SDR9C7: variants seen among roughly 807,000 people sequenced by gnomAD.
The protein encoded by SDR9C7 is short chain dehydrogenase/reductase family 9C member 7, also known as short-chain dehydrogenase/reductase family 9C member 7.
A neutral mutation model predicts 23.6 loss-of-function variants in SDR9C7; 11 were observed. That is an observed-to-expected ratio of 0.47 (90% CI 0.29 to 0.77). SDR9C7 has a LOEUF of 0.77. Ranked by LOEUF, SDR9C7 falls within the 30% of genes least tolerant of loss-of-function variation. SDR9C7 has a pLI of 0.09. For synonymous variants in SDR9C7, 167 were observed against 157.3 expected, an observed-to-expected ratio of 1.06 and a Z score of -0.46; for missense variants, 387 against 407.1, an observed-to-expected ratio of 0.95 and a Z score of 0.42.
rs567534053 is a variant in SDR9C7 at position 56,924,971 on chromosome 12, C to T, written c.725-921G>A. 7.2e-5 allele frequency among the ~76,000 whole-genome samples: 11 copies of T among 152,178 alleles called. No homozygotes were observed. In the East Asian group the frequency reaches 1.9e-3, roughly 27 times the overall value. ...CAAAGATGATTAACAGCAGGGTAGACACTGGGGGAGTACAGAAGAGCAAAC... is the reference window on the plus strand; with the variant it reads ...CAAAGATGATTAACAGCAGGGTAGATACTGGGGGAGTACAGAAGAGCAAAC... On this transcript the variant is annotated intron_variant, in intron 3 of 3. Transcript: ENST00000293502.
chr12:56,923,952 TGCGAG>T lies in SDR9C7; in HGVS notation c.818_822del (p.Pro273HisfsTer18). ...GCATCCAGGCCAGGGTTGTAGCGGA[TGCGAG>T]GGCTCCGGGAAACAATAGCATGCTC... On this transcript the variant is annotated frameshift_variant, in exon 4 of 4. Transcript: ENST00000293502. LOFTEE classifies it high-confidence loss of function. 1 of 1,614,170 alleles carries T rather than the reference TGCGAG, an allele frequency of 6.2e-7. No individual in the cohort carries two copies. The highest frequency in any genetic ancestry group is 8.5e-7 in the Non-Finnish European group (1 of 1,180,000).
chr12:56,930,646 G>A (rs1260235908), intron 1 of SDR9C7, among the ~76,000 whole-genome samples, 162 bp from the exon 2 acceptor site: 1 of 152,190 alleles, frequency 6.6e-6, no homozygotes, highest in African/African-American at 2.4e-5. Context: ...TTACTAACTC[G>A]TTTTCCCTGA....
At chr12:56,927,673 G>A (rs779824309) in intron 3 of SDR9C7, among the ~76,000 whole-genome samples, 3 of 152,192 alleles carry the variant, frequency 2.0e-5, no homozygotes, top group Admixed American at 1.3e-4. Context: ...TTTGGGAGAG[G>A]TACTGGAAAT....
intron 3 of SDR9C7, among the ~76,000 whole-genome samples, chr12:56,925,182 TGAG>T (rs989567317): frequency 1.3e-5 from 2 of 151,984 alleles, no homozygotes; most frequent in Non-Finnish European, 2.9e-5. Context: ...CTCACAAATG[TGAG>T]GAGTTGTTCT....
rs973922171 is a variant in SDR9C7, at chr12:56,934,324, G to A, written c.-63C>T. On this transcript the variant is annotated 5_prime_UTR_variant, in exon 1 of 4. Coordinates refer to ENST00000293502, the MANE Select transcript of SDR9C7 (RefSeq NM_148897.3). The stretch of plus-strand genomic sequence containing the variant: ...TCAGGAGACAGCAGGGAAGAAGCTG[G>A]TCCTCTGAGCCCTAGCAGGCAGTCT... The A allele has an allele frequency of 6.2e-6, 9 of 1,452,758 alleles. No individual in the cohort carries two copies. The highest frequency in any genetic ancestry group is 1.8e-5 in the Admixed American group (1 of 55,444). The allele number at this position is 1,452,758 out of a possible 1,614,324, so 90.0% of individuals were successfully genotyped here.
intron 1 of SDR9C7, among the ~76,000 whole-genome samples, chr12:56,932,513 T>A (rs1173218717): frequency 6.6e-6 from 1 of 152,190 alleles, no homozygotes; most frequent in African/African-American, 2.4e-5. Context: ...TACAAGATAA[T>A]ATGTTTGTAT....
In SDR9C7 at chr12:56,933,664, G is replaced by A. The variant is rs138130873; in HGVS notation, c.301+297C>T. 2.6e-5 allele frequency among the ~76,000 whole-genome samples: 4 copies of A among 152,292 alleles called. No individual in the cohort carries two copies. The East Asian group carries it at 5.8e-4, about 22-fold the overall frequency. On this transcript the variant is annotated intron_variant, in intron 1 of 3. Coordinates refer to ENST00000293502, the MANE Select transcript of SDR9C7 (RefSeq NM_148897.3). ...TGAGCCACCACGCCCAGCCAGGCAC[G>A]TCCATTTTTAGAGGTTTGGACACAC...
intron 1 of SDR9C7, 76 bp from the exon 2 acceptor site, chr12:56,930,560 G>A (rs1955763137): frequency 6.6e-7 from 1 of 1,522,108 alleles, no homozygotes; most frequent in East Asian, 2.3e-5. Context: ...CACCGGCTCA[G>A]TGCCCTCAAG....
In SDR9C7 at chr12:56,923,964, G is replaced by A. The variant is rs770439255; in HGVS notation, c.811C>T (p.Arg271Trp). 3.8e-5 allele frequency: 61 copies of A among 1,613,916 alleles called. 3 individuals carry two copies. Among genetic ancestry groups the A allele is most frequent in the South Asian group, 2.5e-4 (23 of 91,086 alleles). Residue 271 changes from arginine to tryptophan, a missense_variant, in exon 4 of 4, where the codon CGG becomes TGG. Transcript: ENST00000293502. ...GGGTTGTAGCGGATGCGAGGGCTCC[G>A]GGAAACAATAGCATGCTCCATGCTG... is the stretch of plus-strand genomic sequence containing the variant. ...INSMEHAIVS[R>W]SPRIRYNPGL...
At chr12:56,929,876 T>C (rs1479468477) in intron 2 of SDR9C7, among the ~76,000 whole-genome samples, 1 of 151,624 alleles carries the variant, frequency 6.6e-6, no homozygotes, top group Non-Finnish European at 1.5e-5. Flanking sequence ...ATGGTGTGGA[T>C]ATACACAAGG....
intron 3 of SDR9C7, among the ~76,000 whole-genome samples, chr12:56,926,550 A>G (rs1955735528): frequency 6.6e-6 from 1 of 152,178 alleles, no homozygotes; most frequent in Non-Finnish European, 1.5e-5. Context: ...CCAGACTATA[A>G]TGGCAATGGC....
At chr12:56,930,795 G>A (rs1213378442) in intron 1 of SDR9C7, among the ~76,000 whole-genome samples, 3 of 152,210 alleles carry the variant, frequency 2.0e-5, no homozygotes, top group Admixed American at 6.5e-5. Context: ...ATGAATTAAT[G>A]TTTAGATCCC....
At chr12:56,928,052 T>G (rs919575042) in intron 3 of SDR9C7, among the ~76,000 whole-genome samples, 6 of 152,096 alleles carry the variant, frequency 3.9e-5, no homozygotes, top group Admixed American at 2.0e-4. Context: ...CTCCAAACAT[T>G]TTTCCCTGAG....
chr12:56,928,659 G>A (rs1163304917), intron 3 of SDR9C7, among the ~76,000 whole-genome samples: 1 of 152,168 alleles, frequency 6.6e-6, no homozygotes, highest in Non-Finnish European at 1.5e-5. Flanking sequence ...AAGTGTGTAT[G>A]TATTAAGTGA....
rs1486246515 is a variant in SDR9C7, at chr12:56,931,798, ACAGCCCCAGCCTCAG to A, written c.302-1329_302-1315del. Among the ~76,000 whole-genome samples the A allele has an allele frequency of 2.0e-5, 3 of 152,158 alleles. No individual in the cohort carries two copies. The East Asian group carries it at 5.8e-4, about 29-fold the overall frequency. On this transcript the variant is annotated intron_variant, in intron 1 of 3. Transcript: ENST00000293502. ...GTCCTACTGCCTGGTGATTCGCACC[ACAGCCCCAGCCTCAG>A]CAGCCCCAAGATACTCTGCAGGCGC...
intron 3 of SDR9C7, among the ~76,000 whole-genome samples, chr12:56,928,957 A>T (rs58267004): frequency 2.6e-5 from 4 of 152,234 alleles, no homozygotes; most frequent in Admixed American, 2.0e-4. Context: ...CCCATGAGGG[A>T]GGCACTATCT....
intron 1 of SDR9C7, among the ~76,000 whole-genome samples, chr12:56,932,508 G>A (rs1955774252): frequency 6.6e-6 from 1 of 152,150 alleles, no homozygotes; most frequent in Non-Finnish European, 1.5e-5. Context: ...ACAACTACAA[G>A]ATAATATGTT....
At chr12:56,927,075 C>G (rs992910147) in intron 3 of SDR9C7, among the ~76,000 whole-genome samples, 1 of 152,140 alleles carries the variant, frequency 6.6e-6, no homozygotes, top group Non-Finnish European at 1.5e-5. Flanking sequence ...CTTGGGAAAA[C>G]GTTTATCTAA....
intron 1 of SDR9C7, among the ~76,000 whole-genome samples, chr12:56,933,567 C>T (rs547861919): frequency 1.3e-5 from 2 of 152,296 alleles, no homozygotes; most frequent in African/African-American, 2.4e-5. Context: ...ACCATGTTGG[C>T]CGGGATGGTC....
Sources: gnomAD v4.1 joint callset for allele counts (sites outside exome capture counted in the v4.1 genomes callset) on GRCh38, gnomAD v4.1.1 for gene constraint, MANE v1.5 for transcripts, NCBI Gene and HGNC (gene_info 2026-07-23, HGNC 2026-07-21) for gene names.